Variants in ADCY2 observed in about 807,000 individuals in gnomAD.
ADCY2 encodes adenylate cyclase 2.
Under a neutral mutation model 125.2 loss-of-function variants are expected in ADCY2, and 31 were observed. The observed-to-expected ratio is 0.25, with a 90% CI of 0.19 to 0.33. The LOEUF is 0.33. Ranked by LOEUF, ADCY2 falls within the 10% of genes least tolerant of loss-of-function variation. The pLI, the probability that ADCY2 is intolerant of heterozygous loss-of-function variation, is 1.00. For missense variants in ADCY2, 904 were observed against 1,418.2 expected, an observed-to-expected ratio of 0.64 and a Z score of 5.82; for synonymous variants, 512 against 548.4, an observed-to-expected ratio of 0.93 and a Z score of 0.93.
At chr5:7,480,364 A>G (rs1448862312) in intron 2 of ADCY2, among the ~76,000 whole-genome samples, 1 of 152,226 alleles carries the variant, frequency 6.6e-6, no homozygotes, top group Non-Finnish European at 1.5e-5. Flanking sequence ...ATGCCCAATA[A>G]TGATAGACTG....
At chr5:7,537,373 T>C (rs964728474) in intron 3 of ADCY2, among the ~76,000 whole-genome samples, 1 of 152,204 alleles carries the variant, frequency 6.6e-6, no homozygotes, top group Non-Finnish European at 1.5e-5. Flanking sequence ...AAATTAAGCA[T>C]TTCCCAAAGT....
intron 2 of ADCY2, among the ~76,000 whole-genome samples, chr5:7,461,806 T>C (rs576693208): frequency 6.6e-6 from 1 of 152,390 alleles, no homozygotes; most frequent in South Asian, 2.1e-4. Flanking sequence ...AAAAATGTTT[T>C]GGTTTTATTT....
intron 7 of ADCY2, among the ~76,000 whole-genome samples, chr5:7,705,619 G>A (rs1002366010): frequency 1.3e-5 from 2 of 152,152 alleles, no homozygotes; most frequent in Admixed American, 6.5e-5. Flanking sequence ...GCAGAGGGGT[G>A]GGGGTGGGTC....
intron 24 of ADCY2, among the ~76,000 whole-genome samples, chr5:7,823,589 T>C (rs898847117): frequency 1.3e-5 from 2 of 152,208 alleles, no homozygotes; most frequent in African/African-American, 4.8e-5. Flanking sequence ...CCAGGTCTTA[T>C]CTTGGCAGGG....
At chr5:7,717,027 T>G (rs879192226) in intron 11 of ADCY2, 130 bp from the exon 12 acceptor site, 1 of 613,182 alleles carries the variant, frequency 1.6e-6, no homozygotes, top group Admixed American at 2.9e-5. Context: ...GATTGATCAT[T>G]GCACATGCAT....
chr5:7,719,601 G>C (rs770072159), intron 12 of ADCY2, among the ~76,000 whole-genome samples: 1 of 152,120 alleles, frequency 6.6e-6, no homozygotes, highest in Non-Finnish European at 1.5e-5. Context: ...TGTTGAACAC[G>C]CATTTGTTAA....
chr5:7,532,379 C>T (rs1734678227), intron 3 of ADCY2, among the ~76,000 whole-genome samples: 1 of 152,154 alleles, frequency 6.6e-6, no homozygotes, highest in Non-Finnish European at 1.5e-5. Flanking sequence ...CATTTGATCC[C>T]CTTAGGTTTT....
chr5:7,580,567 A>T (rs571921334), intron 3 of ADCY2, among the ~76,000 whole-genome samples: 1 of 152,314 alleles, frequency 6.6e-6, no homozygotes. Flanking sequence ...TGATTTTTTT[A>T]AGACAGCAAA....
intron 3 of ADCY2, among the ~76,000 whole-genome samples, chr5:7,625,494 C>T (rs1413791895): frequency 6.6e-6 from 1 of 152,120 alleles, no homozygotes; most frequent in Non-Finnish European, 1.5e-5. Context: ...TTTAGTTTGT[C>T]TTTATATCTT....
intron 10 of ADCY2, among the ~76,000 whole-genome samples, chr5:7,712,138 A>T (rs555034959): frequency 6.6e-5 from 10 of 152,188 alleles, no homozygotes. Flanking sequence ...CTAAATCCAT[A>T]TCTTAATATA....
intron 18 of ADCY2, among the ~76,000 whole-genome samples, chr5:7,775,157 C>T (rs1388442112): frequency 1.3e-5 from 2 of 150,762 alleles, no homozygotes; most frequent in African/African-American, 2.4e-5. Flanking sequence ...CAGGTGCCTG[C>T]CACCATGCCC....
intron 5 of ADCY2, among the ~76,000 whole-genome samples, chr5:7,693,208 G>A (rs1740762018): frequency 6.6e-6 from 1 of 151,896 alleles, no homozygotes; most frequent in African/African-American, 2.4e-5. Flanking sequence ...ACCTTCAGTT[G>A]GGCTCTCCAG....
chr5:7,790,813 A>T (rs1744228643), intron 20 of ADCY2, among the ~76,000 whole-genome samples: 1 of 152,126 alleles, frequency 6.6e-6, no homozygotes, highest in Non-Finnish European at 1.5e-5. Context: ...AGGAATAAAA[A>T]GAGAAACGGG....
At position 7,709,446 on chromosome 5, in the gene ADCY2, C is replaced by A; in HGVS notation, c.1578+59C>A. On this transcript the variant is annotated intron_variant, in intron 10 of 24. Transcript: ENST00000338316. This position sits in a 1 kb window ranked among gnomAD's most constrained non-coding sequence, Gnocchi z 4.4. ...TGGGGGAAAGCTAACTTCCCAAAAC[C>A]AAAGGCTGGGCATCTCCTGCCAAAA... The A allele has an allele frequency of 6.7e-7, 1 of 1,483,184 alleles. No individual in the cohort carries two copies. 91.9% of individuals were successfully genotyped at this position (1,483,184 alleles called of 1,614,324 possible).
chr5:7,797,785 G>A (rs1026340372), intron 20 of ADCY2: 13 of 151,916 alleles, frequency 8.6e-5, no homozygotes, highest in African/African-American at 3.1e-4. Context: ...AATGTAGTGG[G>A]GATGAGCCCC....
intron 4 of ADCY2, among the ~76,000 whole-genome samples, chr5:7,665,476 T>C (rs1739682279): frequency 6.6e-6 from 1 of 152,178 alleles, no homozygotes; most frequent in Non-Finnish European, 1.5e-5. Context: ...GAAAGTAGAT[T>C]ATCTATGAAT....
intron 2 of ADCY2, among the ~76,000 whole-genome samples, chr5:7,483,923 T>C (rs1279648353): frequency 6.6e-6 from 1 of 152,238 alleles, no homozygotes; most frequent in Non-Finnish European, 1.5e-5. Context: ...TGCATATTAC[T>C]GGGAAATTTA....
intron 2 of ADCY2, among the ~76,000 whole-genome samples, chr5:7,416,968 T>C (rs1739973271): frequency 6.6e-6 from 1 of 152,248 alleles, no homozygotes; most frequent in Non-Finnish European, 1.5e-5. Context: ...CGGATCAGTT[T>C]GTCATGTTCA....
At chr5:7,764,202 A>G (rs182064208) in intron 16 of ADCY2, among the ~76,000 whole-genome samples, 6 of 152,320 alleles carry the variant, frequency 3.9e-5, no homozygotes, top group Admixed American at 2.0e-4. Flanking sequence ...GTGGAGAAAA[A>G]CAATTGGTTG....
Sources: allele counts gnomAD v4.1 joint callset (sites outside exome capture counted in the v4.1 genomes callset), GRCh38; gene constraint gnomAD v4.1.1; non-coding constraint Gnocchi (gnomAD v3.1); transcripts MANE v1.5; gene names NCBI Gene and HGNC (gene_info 2026-07-23, HGNC 2026-07-21).